The following CXCL17 variants were observed in gnomAD, a reference collection of about 807,000 sequenced individuals.
The protein encoded by CXCL17 is C-X-C motif chemokine ligand 17.
In CXCL17, 9 loss-of-function variants were observed where a neutral mutation model predicts 15.5. That is an observed-to-expected ratio of 0.58 (90% CI 0.35 to 1.01). CXCL17 has a LOEUF of 1.01. Ranked by LOEUF, CXCL17 falls within the 50% of genes least tolerant of loss-of-function variation. The pLI, the probability that CXCL17 is intolerant of heterozygous loss-of-function variation, is 0.02. For synonymous variants in CXCL17, 52 were observed against 52.3 expected (o/e 0.99, Z 0.02); for missense variants, 133 against 138.2 (o/e 0.96, Z 0.19).
intron 1 of CXCL17, among the ~76,000 whole-genome samples, chr19:42,435,303 G>C (rs560374733): frequency 3.0e-4 from 45 of 152,218 alleles, no homozygotes; most frequent in South Asian, 1.7e-3. Flanking sequence ...CTGTCAACAT[G>C]AATTATACCT....
intron 3 of CXCL17, among the ~76,000 whole-genome samples, chr19:42,430,518 C>T (rs1418993115): frequency 6.7e-6 from 1 of 149,780 alleles, no homozygotes; most frequent in Admixed American, 6.7e-5. Flanking sequence ...TGCTTCAACC[C>T]GGGAGGCGGA....
In CXCL17 at chr19:42,433,065, C is replaced by T. The variant is rs1263147963; in HGVS notation, c.173G>A (p.Arg58Lys). 1 of 1,613,438 alleles carries T rather than the reference C, an allele frequency of 6.2e-7. No homozygotes were observed. Among genetic ancestry groups the T allele is most frequent in the Non-Finnish European group, 8.5e-7 (1 of 1,179,624 alleles). Residue 58 changes from arginine (R) to lysine (K), a missense_variant, in exon 3 of 4, where the codon AGA becomes AAA. Arg to Lys is a conservative substitution (Grantham distance 26, BLOSUM62 2). Transcript: ENST00000601181. The stretch of plus-strand genomic sequence containing the variant: ...TGTCATGAATTTTCTTCTCGGGGCT[C>T]TCAGGAACCAATCTGGAACAACAGC... ...QECECKDWFL[R>K]APRRKFMTVS... is the part of the protein sequence containing the mutation.
intron 1 of CXCL17, among the ~76,000 whole-genome samples, chr19:42,438,714 C>T (rs1313453788): frequency 6.6e-6 from 1 of 152,026 alleles, no homozygotes; most frequent in Non-Finnish European, 1.5e-5. Context: ...GGAAAAATAG[C>T]TGATCCAGGG....
At chr19:42,439,276 AAAAAG>A (rs2040868918) in intron 1 of CXCL17, among the ~76,000 whole-genome samples, 1 of 141,000 alleles carries the variant, frequency 7.1e-6, no homozygotes, top group Non-Finnish European at 1.6e-5. Context: ...AAAAAAAAAG[AAAAAG>A]AAAAAGGAAT....
intron 2 of CXCL17, among the ~76,000 whole-genome samples, chr19:42,433,298 C>T (rs992015963): frequency 6.6e-6 from 1 of 152,096 alleles, no homozygotes; most frequent in African/African-American, 2.4e-5. Flanking sequence ...AGGGTTTGGG[C>T]AAGGGTTTGG....
At chr19:42,437,234 G>A (rs2040843156) in intron 1 of CXCL17, among the ~76,000 whole-genome samples, 1 of 152,088 alleles carries the variant, frequency 6.6e-6, no homozygotes, top group African/African-American at 2.4e-5. Context: ...GCTATGCCTG[G>A]CCACTTTATA....
intron 1 of CXCL17, among the ~76,000 whole-genome samples, chr19:42,434,610 T>G (rs571925754): frequency 1.3e-5 from 2 of 152,116 alleles, no homozygotes; most frequent in East Asian, 3.9e-4. Flanking sequence ...TTGTATTTTT[T>G]GTAAAGATAG....
chr19:42,442,617 A>G, intron 1 of CXCL17, 137 bp downstream of exon 1: 1 of 615,248 alleles, frequency 1.6e-6, no homozygotes. Flanking sequence ...GTTTTTTTGT[A>G]AAGGAGGAAA....
At chr19:42,434,045 G>A (rs1416342541) in intron 1 of CXCL17, among the ~76,000 whole-genome samples, 189 bp from the exon 2 acceptor site, 1 of 152,060 alleles carries the variant, frequency 6.6e-6, no homozygotes, top group Non-Finnish European at 1.5e-5. Flanking sequence ...TGTTGCCTAG[G>A]CTGGTCTTGA....
rs200091462 is a variant in CXCL17 at position 42,438,399 on chromosome 19, TATATATAA to T, written c.79+4347_79+4354del. 2.9e-3 allele frequency among the ~76,000 whole-genome samples: 294 copies of T among 102,428 alleles called. 3 individuals carry two copies. The highest frequency in any genetic ancestry group is 0.012 in the African/African-American group (269 of 21,914). The allele number at this position is 102,428 out of a possible 152,430, so 67.2% of individuals were successfully genotyped here. A position where few individuals can be genotyped will look rare whatever the true frequency, so the allele number is the denominator to read the frequency against. On this transcript the variant is annotated intron_variant, in intron 1 of 3. Coordinates refer to ENST00000601181, the MANE Select transcript of CXCL17 (RefSeq NM_198477.3). ...AAAAAAAAATATATATATATATATATATATATAAAATACACACACACACACACACACAC... is the reference window on the plus strand; with the variant it reads ...AAAAAAAAATATATATATATATATATAATACACACACACACACACACACAC...
chr19:42,438,404 AT>A (rs1156466810), intron 1 of CXCL17, among the ~76,000 whole-genome samples: 5 of 110,948 alleles, frequency 4.5e-5, no homozygotes, highest in Non-Finnish European at 8.6e-5. Context: ...ATATATATAT[AT>A]AAAATACACA....
chr19:42,434,641 G>C (rs1250932009), intron 1 of CXCL17, among the ~76,000 whole-genome samples: 1 of 151,966 alleles, frequency 6.6e-6, no homozygotes. Context: ...AGTTGCCCAG[G>C]TTGGTCTGGA....
chr19:42,435,770 C>T (rs866392081), intron 1 of CXCL17, among the ~76,000 whole-genome samples: 27 of 149,208 alleles, frequency 1.8e-4, no homozygotes, highest in African/African-American at 5.9e-4. Flanking sequence ...GCAAAGGTTG[C>T]AGTGAGCTGA....
At chr19:42,440,188 A>G (rs1033240558) in intron 1 of CXCL17, among the ~76,000 whole-genome samples, 1 of 151,996 alleles carries the variant, frequency 6.6e-6, no homozygotes, top group Non-Finnish European at 1.5e-5. Flanking sequence ...AATGTGTCTG[A>G]TATTATAAGT....
intron 1 of CXCL17, 43 bp downstream of exon 1, chr19:42,442,711 C>G (rs1452799666): frequency 6.9e-7 from 1 of 1,457,020 alleles, no homozygotes; most frequent in Non-Finnish European, 9.5e-7. Flanking sequence ...TGTTTTGCCA[C>G]ATTTCTCCCC....
At chr19:42,431,560 A>G (rs2040780977) in intron 3 of CXCL17, among the ~76,000 whole-genome samples, 1 of 152,028 alleles carries the variant, frequency 6.6e-6, no homozygotes, top group African/African-American at 2.4e-5. Context: ...TTAGATCTGT[A>G]ATCCACCTGA....
At chr19:42,440,808 G>C (rs1157229445) in intron 1 of CXCL17, among the ~76,000 whole-genome samples, 1 of 152,192 alleles carries the variant, frequency 6.6e-6, no homozygotes. Context: ...TGGCCATGCA[G>C]AGAAGTATTG....
intron 2 of CXCL17, among the ~76,000 whole-genome samples, chr19:42,433,290 G>C (rs1454378460): frequency 6.6e-6 from 1 of 152,142 alleles, no homozygotes; most frequent in Non-Finnish European, 1.5e-5. Flanking sequence ...TTTGGGCAAG[G>C]GTTTGGGCAA....
In CXCL17 at chr19:42,428,979, G is replaced by C; in HGVS notation, c.265C>G (p.His89Asp). ...TTTGGCTTTCTGTGGTGCCTTTGGT[G>C]TCCTAGGGTGCAAATAAAGGGGAGA... ...HFKGNVKKTR[H>D]QRHHRKPNKH... is the part of the protein sequence containing the mutation. Residue 89 changes from histidine (H) to aspartate (D), a missense_variant and splice_region_variant, in exon 4 of 4, where the codon CAC becomes GAC. Coordinates refer to ENST00000601181, the MANE Select transcript of CXCL17 (RefSeq NM_198477.3). 1 of 1,612,776 alleles carries C rather than the reference G, an allele frequency of 6.2e-7. No individual in the cohort carries two copies. The highest frequency in any genetic ancestry group is 8.5e-7 in the Non-Finnish European group (1 of 1,178,920).
Sources: gnomAD v4.1 joint callset for allele counts (sites outside exome capture counted in the v4.1 genomes callset) on GRCh38, gnomAD v4.1.1 for gene constraint, MANE v1.5 for transcripts, NCBI Gene and HGNC (gene_info 2026-07-23, HGNC 2026-07-21) for gene names.